The following PIK3R3 variants were observed in gnomAD, a reference collection of about 807,000 sequenced individuals.
PIK3R3 encodes phosphoinositide-3-kinase regulatory subunit 3.
A neutral mutation model predicts 62.9 loss-of-function variants in PIK3R3; 64 were observed. The observed-to-expected ratio is 1.02, with a 90% CI of 0.83 to 1.25. The LOEUF is 1.25. PIK3R3 is among the 50% of genes most tolerant of loss of function. The probability of loss-of-function intolerance (pLI) is 0.00; values close to 1 mark genes in which losing one functional copy is unlikely to be tolerated. For missense variants in PIK3R3, 614 were observed against 561.6 expected (o/e 1.09, Z -0.94); for synonymous variants, 165 against 189.0 (o/e 0.87, Z 1.04).
chr1:46,088,780 T>C (rs1021239989), intron 1 of PIK3R3, among the ~76,000 whole-genome samples: 1 of 150,642 alleles, frequency 6.6e-6, no homozygotes, highest in African/African-American at 2.4e-5. Context: ...CCACAGAGTA[T>C]GCCACACAAT....
the PIK3R3 span, among the ~76,000 whole-genome samples, chr1:46,142,841 C>T: frequency 6.6e-6 from 1 of 152,114 alleles, no homozygotes; most frequent in South Asian, 2.1e-4. Flanking sequence ...GTACTTTATG[C>T]TCAAGCAATG....
chr1:46,049,709 C>T (rs1281671467), intron 7 of PIK3R3, among the ~76,000 whole-genome samples: 1 of 152,172 alleles, frequency 6.6e-6, no homozygotes, highest in African/African-American at 2.4e-5. Flanking sequence ...TTCAGGATGA[C>T]ATTCTTACAT....
chr1:46,066,917 G>C lies in PIK3R3; in HGVS notation c.489C>G (p.Tyr163Ter). 1 of 1,611,370 alleles carries C rather than the reference G, an allele frequency of 6.2e-7. No individual in the cohort carries two copies. Among genetic ancestry groups the C allele is most frequent in the Non-Finnish European group, 8.5e-7 (1 of 1,177,814 alleles). The change falls in exon 4 of 10, where the codon TAC becomes TAG. Residue 163 changes from tyrosine (Y) to a stop codon, truncating the protein, a stop_gained. Transcript: ENST00000262741. LOFTEE classifies it high-confidence loss of function. Reference sequence around the variant, plus strand: ...AGGATTTCCATAATCATACCTGTTGGTATCTGGACACTGGGTACATCAGCT... The same window carrying C: ...AGGATTTCCATAATCATACCTGTTGCTATCTGGACACTGGGTACATCAGCT... ...DVKLMYPVSR[Y>*]QQDQLVKEDN...
chr1:46,149,069 A>T, the PIK3R3 span, among the ~76,000 whole-genome samples: 1 of 152,154 alleles, frequency 6.6e-6, no homozygotes. Flanking sequence ...ATGGCTATGA[A>T]AATGACCTCT....
intron 1 of PIK3R3, among the ~76,000 whole-genome samples, chr1:46,119,134 C>T (rs1233208420): frequency 1.3e-5 from 2 of 152,184 alleles, no homozygotes; most frequent in Non-Finnish European, 2.9e-5. Flanking sequence ...TTAACACCAT[C>T]ACTAGGTATT....
At chr1:46,063,340 T>C (rs945258511) in intron 5 of PIK3R3, among the ~76,000 whole-genome samples, 7 of 152,206 alleles carry the variant, frequency 4.6e-5, no homozygotes, top group African/African-American at 1.7e-4. Context: ...TGAGGGAGGC[T>C]GGAACCTTGT....
intron 5 of PIK3R3, among the ~76,000 whole-genome samples, chr1:46,063,287 T>G (rs1023682900): frequency 4.6e-5 from 7 of 152,210 alleles, no homozygotes; most frequent in Non-Finnish European, 8.8e-5. Context: ...GTTCAAGGAT[T>G]AGTAATTGCC....
At chr1:46,132,660 G>C (rs909052859), upstream of PIK3R3, 3 of 1,289,574 alleles carry the variant, frequency 2.3e-6, no homozygotes, top group Non-Finnish European at 3.0e-6. Flanking sequence ...TCATTTTAAC[G>C]GCGCGGAGGG....
chr1:46,132,862 T>C (rs1050575662), upstream of PIK3R3: 5 of 1,198,482 alleles, frequency 4.2e-6, no homozygotes, highest in Non-Finnish European at 4.2e-6. Flanking sequence ...CACCGCTCTC[T>C]AGGCTTCGGC....
the PIK3R3 span, among the ~76,000 whole-genome samples, chr1:46,144,786 C>T: frequency 6.9e-6 from 1 of 144,692 alleles, no homozygotes; most frequent in Non-Finnish European, 1.5e-5. Flanking sequence ...AAAAAAACGA[C>T]TCAATTCTCC....
chr1:46,095,981 G>A (rs1276535920), intron 1 of PIK3R3, among the ~76,000 whole-genome samples: 1 of 152,102 alleles, frequency 6.6e-6, no homozygotes, highest in Non-Finnish European at 1.5e-5. Flanking sequence ...ACAGGGTCTC[G>A]CTGTGTTACC....
rs533084336 is a variant in PIK3R3, at chr1:46,091,281, T to C, written c.107-10531A>G. On this transcript the variant is annotated intron_variant, in intron 1 of 9. Coordinates refer to ENST00000262741, the MANE Select transcript of PIK3R3 (RefSeq NM_003629.4). ...TCAGCCTCCCAAGGAGCTGGGACTA[T>C]AGGCACGTGCTATCACGCCCAGCTA... Among the ~76,000 whole-genome samples, 59 of 151,952 alleles carry C rather than the reference T, an allele frequency of 3.9e-4. No homozygotes were observed. The South Asian group carries it at 0.012, about 31-fold the overall frequency.
intron 1 of PIK3R3, among the ~76,000 whole-genome samples, chr1:46,122,197 G>T (rs1411823855): frequency 6.6e-6 from 1 of 151,946 alleles, no homozygotes; most frequent in Non-Finnish European, 1.5e-5. Context: ...AACATATATG[G>T]GCAAGCAATG....
At chr1:46,164,672 C>A in the PIK3R3 span, among the ~76,000 whole-genome samples, 2 of 152,192 alleles carry the variant, frequency 1.3e-5, no homozygotes, top group Non-Finnish European at 2.9e-5. Context: ...CCAAGCCCCC[C>A]ACCTTGCCCC....
At chr1:46,152,855 C>T in the PIK3R3 span, among the ~76,000 whole-genome samples, 1 of 152,178 alleles carries the variant, frequency 6.6e-6, no homozygotes, top group African/African-American at 2.4e-5. Context: ...AGCCACCGCG[C>T]CCAGCCTGAT....
intron 3 of PIK3R3, among the ~76,000 whole-genome samples, chr1:46,075,367 G>T (rs1649972253): frequency 6.6e-6 from 1 of 152,178 alleles, no homozygotes; most frequent in Non-Finnish European, 1.5e-5. Context: ...TGTAATCCCA[G>T]CACTGGAAGG....
At chr1:46,160,016 C>T in the PIK3R3 span, among the ~76,000 whole-genome samples, 1 of 152,258 alleles carries the variant, frequency 6.6e-6, no homozygotes, top group Non-Finnish European at 1.5e-5. Context: ...AATCATGTAG[C>T]TCTGTTCTGT....
chr1:46,116,761 T>C (rs559280806), intron 1 of PIK3R3, among the ~76,000 whole-genome samples: 2 of 152,170 alleles, frequency 1.3e-5, no homozygotes, highest in East Asian at 1.9e-4. Flanking sequence ...TACTATTCCA[T>C]ATAATTCTCA....
At chr1:46,088,846 G>A (rs785481) in intron 1 of PIK3R3, among the ~76,000 whole-genome samples, 68,989 of 150,260 alleles carry the variant, frequency 0.46, 15,923 homozygotes, top group East Asian at 0.61. Flanking sequence ...AACACTGGGG[G>A]AAAAGAGAAG....
Sources: allele counts gnomAD v4.1 joint callset (sites outside exome capture counted in the v4.1 genomes callset), GRCh38; gene constraint gnomAD v4.1.1; transcripts MANE v1.5; gene names NCBI Gene and HGNC (gene_info 2026-07-23, HGNC 2026-07-21).